The following RAB43 variants were observed in gnomAD, a reference collection of about 807,000 sequenced individuals.
RAB43 encodes the protein RAB43, member RAS oncogene family.
A neutral mutation model predicts 18.8 loss-of-function variants in RAB43; 6 were observed. The ratio of observed to expected loss-of-function variants is 0.32; its 90% CI spans 0.17 to 0.63. RAB43 has a LOEUF of 0.63. Ranked by LOEUF, RAB43 falls within the 30% of genes least tolerant of loss-of-function variation. The probability of loss-of-function intolerance (pLI) is 0.79; values close to 1 mark genes in which losing one functional copy is unlikely to be tolerated. For synonymous variants in RAB43, 103 were observed against 124.1 expected, an observed-to-expected ratio of 0.83 and a Z score of 1.13; for missense variants, 195 against 289.1, an observed-to-expected ratio of 0.67 and a Z score of 2.36.
chr3:129,090,435 AG>A lies in RAB43; in HGVS notation c.*660del, dbSNP rs1330105124. The A allele has an allele frequency of 7.1e-6, 1 of 141,482 alleles. No homozygotes were observed. The highest frequency in any genetic ancestry group is 1.5e-5 in the Non-Finnish European group (1 of 65,106). The allele number at this position is 141,482 out of a possible 1,614,324, so 8.8% of individuals were successfully genotyped here. A position where few individuals can be genotyped will look rare whatever the true frequency, so the allele number is the denominator to read the frequency against. On this transcript the variant is annotated 3_prime_UTR_variant, in exon 3 of 3. Transcript: ENST00000315150. The stretch of plus-strand genomic sequence containing the variant: ...CTAGCTGTGGGCCGTGACCCCACCT[AG>A]CTGTGGGCCGTGACCCCATGCTGTG...
intron 1 of RAB43, among the ~76,000 whole-genome samples, chr3:129,104,443 T>C (rs1298754692): frequency 6.6e-6 from 1 of 152,192 alleles, no homozygotes; most frequent in Non-Finnish European, 1.5e-5. Flanking sequence ...CGGGGAAAGG[T>C]GAAGTCCAGA....
rs1933589955 is a variant in RAB43, at chr3:129,090,703, G to A, written c.*393C>T. 9.4e-6 allele frequency: 2 copies of A among 213,174 alleles called. No homozygotes were observed. Among genetic ancestry groups the A allele is most frequent in the Non-Finnish European group, 1.9e-5 (2 of 106,220 alleles). The allele number at this position is 213,174 out of a possible 1,614,324, so 13.2% of individuals were successfully genotyped here. A position where few individuals can be genotyped will look rare whatever the true frequency, so the allele number is the denominator to read the frequency against. On this transcript the variant is annotated 3_prime_UTR_variant, in exon 3 of 3. Transcript: ENST00000315150. Reference sequence around the variant, plus strand: ...CCCAGGATGACCGGGAAGAACCCAGGGCACTGGACACATCCCTGGAAAGCA... The same window carrying A: ...CCCAGGATGACCGGGAAGAACCCAGAGCACTGGACACATCCCTGGAAAGCA...
At chr3:129,112,485 C>T (rs573642725) in intron 1 of RAB43, among the ~76,000 whole-genome samples, 5 of 152,230 alleles carry the variant, frequency 3.3e-5, no homozygotes, top group East Asian at 3.9e-4. Context: ...CACTTCATCA[C>T]GCAACAGTGA....
chr3:129,117,606 C>T (rs1272062474), intron 1 of RAB43, among the ~76,000 whole-genome samples: 1 of 152,244 alleles, frequency 6.6e-6, no homozygotes, highest in Non-Finnish European at 1.5e-5. Flanking sequence ...ACCAAACACC[C>T]TAAAACTCTT....
intron 1 of RAB43, among the ~76,000 whole-genome samples, chr3:129,110,605 G>A (rs1467718195): frequency 6.6e-6 from 1 of 152,208 alleles, no homozygotes; most frequent in Non-Finnish European, 1.5e-5. Context: ...TTGGGAGGCT[G>A]AGGCGGGCGG....
intron 1 of RAB43, 64 bp downstream of exon 1, chr3:129,121,222 G>T: frequency 1.4e-6 from 2 of 1,414,024 alleles, no homozygotes; most frequent in Non-Finnish European, 1.9e-6. Flanking sequence ...GCGGCCAGGG[G>T]CTCCGCTGCC....
chr3:129,097,886 A>G (rs1934160644), intron 1 of RAB43, among the ~76,000 whole-genome samples: 1 of 152,120 alleles, frequency 6.6e-6, no homozygotes, highest in Non-Finnish European at 1.5e-5. Flanking sequence ...GCACCTCATG[A>G]TCATTGTGAC....
rs1193217563 is a variant in RAB43, at chr3:129,095,096, C to T, written c.278G>A (p.Gly93Glu). ...GGTGATGTCGTAGGCAAGGATGGCC[C>T]CATTGGCACTGCGGTAGTAGCTCTG... The part of the protein sequence containing the change: ...ITQSYYRSAN[G>E]AILAYDITKR... The change falls in exon 2 of 3, where the codon GGG becomes GAG. Residue 93 changes from glycine to glutamate, a missense_variant. Coordinates refer to ENST00000315150, the MANE Select transcript of RAB43 (RefSeq NM_198490.3). This position sits in a 1 kb window ranked among gnomAD's most constrained non-coding sequence, Gnocchi z 4.2. The T allele has an allele frequency of 1.2e-6, 2 of 1,613,908 alleles. No homozygotes were observed. Among genetic ancestry groups the T allele is most frequent in the Non-Finnish European group, 8.5e-7 (1 of 1,179,970 alleles).
chr3:129,111,050 A>T (rs1360273147), intron 1 of RAB43, among the ~76,000 whole-genome samples: 3 of 152,070 alleles, frequency 2.0e-5, no homozygotes, highest in Admixed American at 1.3e-4. Context: ...GTCACACCTC[A>T]CCTTCCACCC....
chr3:129,113,966 G>A (rs1289172504), intron 1 of RAB43, among the ~76,000 whole-genome samples: 1 of 152,158 alleles, frequency 6.6e-6, no homozygotes, highest in African/African-American at 2.4e-5. Flanking sequence ...GGTGGAGGTT[G>A]CAGTGAGCCG....
At position 129,090,175 on chromosome 3, in the gene RAB43, C is replaced by G. The variant is rs1933553497; in HGVS notation, c.*921G>C. 2 of 152,216 alleles carry G rather than the reference C, an allele frequency of 1.3e-5. No individual in the cohort carries two copies. The highest frequency in any genetic ancestry group is 2.9e-5 in the Non-Finnish European group (2 of 68,112). 9.4% of individuals were successfully genotyped at this position (152,216 alleles called of 1,614,324 possible). ...TGTCTGGGAGACTCGATTCCATAGACTGGGACCCACGCTCGGCTGGCAGGA... is the reference window on the plus strand; with the variant it reads ...TGTCTGGGAGACTCGATTCCATAGAGTGGGACCCACGCTCGGCTGGCAGGA... On this transcript the variant is annotated 3_prime_UTR_variant, in exon 3 of 3. Coordinates refer to ENST00000315150, the MANE Select transcript of RAB43 (RefSeq NM_198490.3).
In RAB43 at chr3:129,088,070, C is replaced by T. The variant is rs1435559688; in HGVS notation, c.*3026G>A. On this transcript the variant is annotated 3_prime_UTR_variant, in exon 3 of 3. Transcript: ENST00000315150. ...CCCAGAGCCCGGGCTGCCGGGAGAG[C>T]TTAGCCTGCCAAGGGGAGGAAACAA... is the stretch of plus-strand genomic sequence containing the variant. 6.6e-6 allele frequency: 1 copy of T among 152,198 alleles called. No individual in the cohort carries two copies. Among genetic ancestry groups the T allele is most frequent in the Non-Finnish European group, 1.5e-5 (1 of 68,014 alleles). 9.4% of individuals were successfully genotyped at this position (152,198 alleles called of 1,614,324 possible).
At chr3:129,120,836 G>C (rs951550512) in intron 1 of RAB43, among the ~76,000 whole-genome samples, 2 of 152,176 alleles carry the variant, frequency 1.3e-5, no homozygotes, top group East Asian at 1.9e-4. Flanking sequence ...CCTAGTCCTG[G>C]GGTGGGGATG....
intron 1 of RAB43, among the ~76,000 whole-genome samples, chr3:129,101,749 G>A (rs1338462981): frequency 1.3e-5 from 2 of 152,224 alleles, no homozygotes; most frequent in Non-Finnish European, 2.9e-5. Flanking sequence ...CAGAGCCAGA[G>A]CATATAGGAT....
chr3:129,114,276 A>G (rs1285356650), intron 1 of RAB43, among the ~76,000 whole-genome samples: 1 of 152,234 alleles, frequency 6.6e-6, no homozygotes, highest in African/African-American at 2.4e-5. Context: ...GCAATACAAG[A>G]TGGCCTAGAT....
rs1934834564 is a variant in RAB43, at chr3:129,107,109, G to A, written c.205-11940C>T. 6.6e-6 allele frequency among the ~76,000 whole-genome samples: 1 copy of A among 152,158 alleles called. No individual in the cohort carries two copies. The highest frequency in any genetic ancestry group is 2.4e-5 in the African/African-American group (1 of 41,438). ...TCTGTCAGTGCTCCCTGTGTGTCAGGCCACTTCATCCCGTGACAACCCTAG... is the reference window on the plus strand; with the variant it reads ...TCTGTCAGTGCTCCCTGTGTGTCAGACCACTTCATCCCGTGACAACCCTAG... On this transcript the variant is annotated intron_variant, in intron 1 of 2. Transcript: ENST00000315150. The surrounding 1 kb of genome is among the most constrained non-coding windows in gnomAD (Gnocchi z 4.2).
upstream of RAB43, chr3:129,121,877 CCAGCCCAACCCTCGGGCCCACCT>C (rs1487121790): frequency 6.5e-6 from 1 of 153,226 alleles, no homozygotes; most frequent in East Asian, 2.0e-4. Context: ...CACTCCGCCC[CCAGCCCAACCCTCGGGCCCACCT>C]CAGCCCGACC....
chr3:129,111,452 T>C (rs1935166179), intron 1 of RAB43, among the ~76,000 whole-genome samples: 1 of 148,372 alleles, frequency 6.7e-6, no homozygotes, highest in African/African-American at 2.5e-5. Context: ...GAGGCCGAAG[T>C]TGCAATGAGC....
intron 1 of RAB43, among the ~76,000 whole-genome samples, chr3:129,113,924 G>A (rs1243567848): frequency 6.6e-6 from 1 of 152,166 alleles, no homozygotes; most frequent in Non-Finnish European, 1.5e-5. Context: ...CTACTTGGGA[G>A]GCTGAGGCAG....
Sources: allele counts gnomAD v4.1 joint callset (sites outside exome capture counted in the v4.1 genomes callset), GRCh38; gene constraint gnomAD v4.1.1; non-coding constraint Gnocchi (gnomAD v3.1); transcripts MANE v1.5; gene names NCBI Gene and HGNC (gene_info 2026-07-23, HGNC 2026-07-21).